Variants in MGMT observed in about 807,000 individuals in gnomAD.
MGMT encodes the protein O-6-methylguanine-DNA methyltransferase, also known as methylated-DNA--protein-cysteine methyltransferase.
A neutral mutation model predicts 15.9 loss-of-function variants in MGMT; 14 were observed. The ratio of observed to expected loss-of-function variants is 0.88; its 90% confidence interval spans 0.58 to 1.37. The LOEUF (loss-of-function observed/expected upper bound fraction) is 1.37. Ranked by LOEUF, MGMT falls within the 40% of genes most tolerant of loss-of-function variation. The pLI, the probability that MGMT is intolerant of heterozygous loss-of-function variation, is 0.00. For missense variants in MGMT, 282 were observed against 268.1 expected (o/e 1.05, Z -0.36); for synonymous variants, 130 against 118.2 (o/e 1.10, Z -0.65).
intron 3 of MGMT, among the ~76,000 whole-genome samples, chr10:129,749,768 C>T (rs140800203): frequency 5.3e-5 from 8 of 152,288 alleles, no homozygotes; most frequent in African/African-American, 1.9e-4. Context: ...GCTCCACATC[C>T]TTGCCAGCAG....
chr10:129,740,963 C>T lies in MGMT; in HGVS notation c.275-18239C>T, dbSNP rs58217031. Among the ~76,000 whole-genome samples, 1,407 of 152,306 alleles carry T rather than the reference C, an allele frequency of 9.2e-3. 22 individuals are homozygous for T. The highest frequency in any genetic ancestry group is 0.033 in the African/African-American group (1,353 of 41,554). ...CCATCTTCAAATGAGTGCCCCTACC[C>T]GTTTCCCTAACGTTGCTCAAACTTG... On this transcript the variant is annotated intron_variant, in intron 3 of 4. Coordinates refer to ENST00000651593, the MANE Select transcript of MGMT (RefSeq NM_002412.5).
At chr10:129,606,652 T>A (rs528610581) in intron 2 of MGMT, among the ~76,000 whole-genome samples, 2 of 152,372 alleles carry the variant, frequency 1.3e-5, no homozygotes, top group South Asian at 4.1e-4. Context: ...AGATCAATAT[T>A]GTGGAGCCCC....
rs1554902747 is a variant in MGMT, at chr10:129,487,935, G to GTGTA, written c.-13+20640_-13+20641insGTAT. On this transcript the variant is annotated intron_variant, in intron 1 of 4. Transcript: ENST00000651593. Reference sequence around the variant, plus strand: ...GGGGTGTGTGTGTGTGTGTGTGTGTGTATATATATACACACACAAACACAC... The same window carrying GTGTA: ...GGGGTGTGTGTGTGTGTGTGTGTGTGTGTATATATATATACACACACAAACACAC... Among the ~76,000 whole-genome samples the GTGTA allele has an allele frequency of 2.9e-3, 420 of 144,220 alleles. 5 individuals are homozygous for GTGTA. Among genetic ancestry groups the GTGTA allele is most frequent in the African/African-American group, 9.8e-3 (380 of 38,788 alleles). The allele number at this position is 144,220 out of a possible 152,430, so 94.6% of individuals were successfully genotyped here.
intron 2 of MGMT, among the ~76,000 whole-genome samples, chr10:129,629,370 C>G (rs559791974): frequency 2.0e-5 from 3 of 152,314 alleles, no homozygotes; most frequent in African/African-American, 7.2e-5. Flanking sequence ...TGGGGATGTG[C>G]TGTGTGTATT....
chr10:129,506,535 C>T (rs1265026395), intron 1 of MGMT, among the ~76,000 whole-genome samples: 1 of 152,106 alleles, frequency 6.6e-6, no homozygotes, highest in African/African-American at 2.4e-5. Flanking sequence ...GATTGTTCTC[C>T]AGGCATCCAG....
intron 1 of MGMT, among the ~76,000 whole-genome samples, chr10:129,523,524 C>T (rs1332653698): frequency 6.6e-6 from 1 of 152,096 alleles, no homozygotes. Context: ...GATTCATAGG[C>T]GGGTCTCGAA....
Position 129,673,660 on chromosome 10 carries a change from A to G in MGMT, c.126-34235A>G, listed in dbSNP as rs145370588. 2.4e-4 allele frequency among the ~76,000 whole-genome samples: 37 copies of G among 152,266 alleles called. 1 individual carries two copies. Among genetic ancestry groups the G allele is most frequent in the Middle Eastern group, 6.8e-3 (2 of 294 alleles). ...GCTTGATGCCCATTCAGGGGTTGCA[A>G]GTTCTCCTGGTCTGGATCTATTAGT... On this transcript the variant is annotated intron_variant, in intron 2 of 4. Transcript: ENST00000651593.
intron 1 of MGMT, among the ~76,000 whole-genome samples, chr10:129,497,697 ACT>A (rs777506820): frequency 2.0e-5 from 3 of 151,622 alleles, no homozygotes; most frequent in Non-Finnish European, 2.9e-5. Context: ...CTGTGTTGAA[ACT>A]CTACCCCCAT....
chr10:129,749,515 G>A (rs779624601), intron 3 of MGMT, among the ~76,000 whole-genome samples: 5 of 151,952 alleles, frequency 3.3e-5, no homozygotes, highest in Admixed American at 6.6e-5. Flanking sequence ...TTGTTTATCC[G>A]TTCACCTATC....
At position 129,538,464 on chromosome 10, in the gene MGMT, G is replaced by A. The variant is rs187756845; in HGVS notation, c.125+2087G>A. On this transcript the variant is annotated intron_variant, in intron 2 of 4. Coordinates refer to ENST00000651593, the MANE Select transcript of MGMT (RefSeq NM_002412.5). Reference sequence around the variant, plus strand: ...AGTGTGTGAGTTTCAGTTACTCCACGTTCTTGGCAGCACTTGGTGGTGTCA... The same window carrying A: ...AGTGTGTGAGTTTCAGTTACTCCACATTCTTGGCAGCACTTGGTGGTGTCA... Among the ~76,000 whole-genome samples the A allele has an allele frequency of 2.6e-3, 394 of 152,328 alleles. 1 individual carries two copies. The highest frequency in any genetic ancestry group is 9.0e-3 in the African/African-American group (373 of 41,574).
intron 1 of MGMT, among the ~76,000 whole-genome samples, chr10:129,491,218 A>G (rs1845466109): frequency 6.6e-6 from 1 of 152,142 alleles, no homozygotes; most frequent in Admixed American, 6.6e-5. Context: ...ATTTTTAAAC[A>G]CTAATAGTTA....
chr10:129,718,847 T>A (rs1848332498), intron 3 of MGMT, among the ~76,000 whole-genome samples: 1 of 151,506 alleles, frequency 6.6e-6, no homozygotes, highest in African/African-American at 2.4e-5. Context: ...AGAGGCAGTC[T>A]GTATGCTTGC....
intron 2 of MGMT, among the ~76,000 whole-genome samples, chr10:129,702,957 A>G (rs1003108426): frequency 2.2e-4 from 34 of 152,194 alleles, no homozygotes; most frequent in African/African-American, 8.2e-4. Context: ...TCCAGGGCCG[A>G]GCGCGGCAGG....
At chr10:129,647,232 A>G (rs978061187) in intron 2 of MGMT, among the ~76,000 whole-genome samples, 3 of 152,130 alleles carry the variant, frequency 2.0e-5, no homozygotes, top group African/African-American at 7.2e-5. Flanking sequence ...TCACCCGCCC[A>G]GCGTTACAGG....
At chr10:129,595,731 C>T (rs1385986937) in intron 2 of MGMT, among the ~76,000 whole-genome samples, 1 of 152,134 alleles carries the variant, frequency 6.6e-6, no homozygotes, top group African/African-American at 2.4e-5. Context: ...TTTCAAATCC[C>T]TGGCACAGGC....
intron 2 of MGMT, among the ~76,000 whole-genome samples, chr10:129,677,543 T>C (rs920874321): frequency 2.0e-5 from 3 of 152,184 alleles, no homozygotes; most frequent in African/African-American, 7.2e-5. Context: ...AAAAATCCCA[T>C]GTAACCTGGA....
chr10:129,749,507 G>T (rs919099118), intron 3 of MGMT, among the ~76,000 whole-genome samples: 2 of 152,024 alleles, frequency 1.3e-5, no homozygotes, highest in Non-Finnish European at 2.9e-5. Flanking sequence ...TACCATAGTT[G>T]TTTATCCGTT....
intron 2 of MGMT, among the ~76,000 whole-genome samples, chr10:129,689,768 C>T (rs186661135): frequency 5.3e-5 from 8 of 152,328 alleles, no homozygotes; most frequent in Non-Finnish European, 1.2e-4. Flanking sequence ...CTAGACTTGA[C>T]AAGTTTGCTC....
Position 129,566,592 on chromosome 10 carries a change from A to C in MGMT, c.125+30215A>C, listed in dbSNP as rs1349556006. ...GAGGTGTTGCACTGAGGACCACAGC[A>C]GCCCTCGCATTCCTACACATACCCC... On this transcript the variant is annotated intron_variant, in intron 2 of 4. Transcript: ENST00000651593. This position sits in a 1 kb window ranked among gnomAD's most constrained non-coding sequence, Gnocchi z 4.1. 6.6e-6 allele frequency among the ~76,000 whole-genome samples: 1 copy of C among 152,146 alleles called. No homozygotes were observed. Among genetic ancestry groups the C allele is most frequent in the Non-Finnish European group, 1.5e-5 (1 of 68,044 alleles).
Sources: allele counts gnomAD v4.1 joint callset (sites outside exome capture counted in the v4.1 genomes callset), GRCh38; gene constraint gnomAD v4.1.1; non-coding constraint Gnocchi (gnomAD v3.1); transcripts MANE v1.5; gene names NCBI Gene and HGNC (gene_info 2026-07-23, HGNC 2026-07-21).